The following CASP8 variants were observed in gnomAD, a reference collection of about 807,000 sequenced individuals.
CASP8 encodes caspase-8.
A neutral mutation model predicts 46.3 loss-of-function variants in CASP8; 24 were observed. The ratio of observed to expected loss-of-function variants is 0.52; its 90% CI spans 0.38 to 0.73. The LOEUF (loss-of-function observed/expected upper bound fraction) is 0.73. Among genes scored for constraint, CASP8 ranks in the 30% least tolerant of loss-of-function variants. The pLI, the probability that CASP8 is intolerant of heterozygous loss-of-function variation, is 0.00. For missense variants in CASP8, 460 were observed against 559.0 expected (o/e 0.82, Z 1.79); for synonymous variants, 188 against 200.4 (o/e 0.94, Z 0.52).
Position 201,266,269 on chromosome 2 carries a change from C to T in CASP8, c.-26-192C>T, listed in dbSNP as rs145125331. 1.9e-3 allele frequency among the ~76,000 whole-genome samples: 282 copies of T among 152,334 alleles called. 2 individuals are homozygous for T. The highest frequency in any genetic ancestry group is 6.3e-3 in the African/African-American group (262 of 41,584). ...TTGGGATTAGAGGCGTGAGCCACCG[C>T]GCCCAGCCCATTGGCTTGTTTGTAT... is the stretch of plus-strand genomic sequence containing the variant. On this transcript the variant is annotated intron_variant, in intron 1 of 8. Transcript: ENST00000673742. The surrounding 1 kb of genome is among the most constrained non-coding windows in gnomAD (Gnocchi z 5.7).
chr2:201,283,745 A>G (rs1576381614), intron 7 of CASP8, among the ~76,000 whole-genome samples: 1 of 52,548 alleles, frequency 1.9e-5, no homozygotes. Flanking sequence ...GGGGCTCCTC[A>G]CTTCCCAGTA....
intron 5 of CASP8, 116 bp downstream of exon 5, chr2:201,273,058 C>CTTTTT (rs397826156): frequency 1.2e-5 from 7 of 596,434 alleles, no homozygotes; most frequent in Admixed American, 3.0e-5. Flanking sequence ...TCTACTTTTT[C>CTTTTT]TTTTTTTTTT....
rs191769944 is a variant in CASP8 at position 201,280,085 on chromosome 2, A to C, written c.802+3117A>C. ...TTTTTAATGCTTAATATTGGTATTT[A>C]GTATTCTTAGAGAGTTAGTTAAAGG... On this transcript the variant is annotated intron_variant, in intron 7 of 8. Transcript: ENST00000673742. Among the ~76,000 whole-genome samples the C allele has an allele frequency of 2.3e-3, 343 of 152,364 alleles. 4 individuals are homozygous for C. The highest frequency in any genetic ancestry group is 7.7e-3 in the African/African-American group (320 of 41,596).
rs375377054 is a variant in CASP8 at position 201,276,789 on chromosome 2, C to T, written c.661-38C>T. 18 of 1,613,356 alleles carry T rather than the reference C, an allele frequency of 1.1e-5. No homozygotes were observed. The East Asian group carries it at 3.6e-4, about 32-fold the overall frequency. The stretch of plus-strand genomic sequence containing the variant: ...TTGTTTACATCTCTAGTGTTTGACC[C>T]ACAGAGTCAGCTCCTGGGTTGGGTT... On this transcript the variant is annotated intron_variant, in intron 6 of 8. Coordinates refer to ENST00000673742, the MANE Select transcript of CASP8 (RefSeq NM_001372051.1).
intron 2 of CASP8, among the ~76,000 whole-genome samples, chr2:201,234,754 C>T (rs902204498): frequency 6.6e-6 from 1 of 152,020 alleles, no homozygotes; most frequent in East Asian, 1.9e-4. Flanking sequence ...CCACTGCACC[C>T]GGCTGATTTC....
intron 2 of CASP8, among the ~76,000 whole-genome samples, chr2:201,251,770 G>A (rs903684099): frequency 3.3e-5 from 5 of 151,734 alleles, no homozygotes; most frequent in Admixed American, 2.0e-4. Context: ...GGGCGTGGTG[G>A]TCATGCCGGT....
At chr2:201,244,979 C>T (rs1479285932) in intron 2 of CASP8, among the ~76,000 whole-genome samples, 3 of 152,150 alleles carry the variant, frequency 2.0e-5, no homozygotes, top group East Asian at 1.9e-4. Flanking sequence ...TAGTCCAGGC[C>T]GAGGTTCTTT....
intron 2 of CASP8, among the ~76,000 whole-genome samples, chr2:201,239,742 C>T (rs1228344867): frequency 6.6e-6 from 1 of 152,242 alleles, no homozygotes; most frequent in South Asian, 2.1e-4. Context: ...TGAGGCGTCA[C>T]GGGTGGCGGG....
intron 1 of CASP8, among the ~76,000 whole-genome samples, chr2:201,265,128 C>T (rs1445980876): frequency 6.6e-6 from 1 of 152,140 alleles, no homozygotes; most frequent in Non-Finnish European, 1.5e-5. Context: ...GAAAGTAAGA[C>T]TTTGAAAACT....
intron 2 of CASP8, among the ~76,000 whole-genome samples, chr2:201,251,420 C>G (rs2124997234): frequency 6.6e-6 from 1 of 151,802 alleles, no homozygotes; most frequent in Non-Finnish European, 1.5e-5. Flanking sequence ...AGTGAAACCT[C>G]ATCTCTACTA....
intron 2 of CASP8, among the ~76,000 whole-genome samples, chr2:201,251,588 C>T (rs1250053182): frequency 8.6e-6 from 1 of 115,726 alleles, no homozygotes; most frequent in Non-Finnish European, 1.7e-5. Context: ...GAGTGAGACT[C>T]TGTGTCAAAA....
intron 2 of CASP8, among the ~76,000 whole-genome samples, chr2:201,243,695 G>A (rs142691594): frequency 1.7e-3 from 261 of 152,274 alleles, no homozygotes; most frequent in African/African-American, 6.0e-3. Flanking sequence ...GTGTAATATC[G>A]TTATTAATGT....
intron 2 of CASP8, chr2:201,240,990 G>A (rs1285887211): frequency 6.6e-6 from 1 of 152,014 alleles, no homozygotes; most frequent in Non-Finnish European, 1.5e-5. Flanking sequence ...GAAAAGAAAA[G>A]CACAACATAC....
intron 2 of CASP8, among the ~76,000 whole-genome samples, chr2:201,251,542 C>A (rs1214082713): frequency 3.4e-5 from 5 of 147,214 alleles, no homozygotes; most frequent in African/African-American, 1.3e-4. Context: ...TTGCATTGAG[C>A]CAAGATGGCG....
intron 2 of CASP8, among the ~76,000 whole-genome samples, chr2:201,246,996 A>T (rs922594977): frequency 2.6e-5 from 4 of 151,910 alleles, no homozygotes; most frequent in Admixed American, 2.0e-4. Context: ...GGAGTTCAAG[A>T]CCAGCCTGGC....
upstream of CASP8, among the ~76,000 whole-genome samples, chr2:201,260,303 A>G (rs973285230): frequency 2.0e-5 from 3 of 152,208 alleles, no homozygotes; most frequent in African/African-American, 7.2e-5. Flanking sequence ...GAGGCCCCAA[A>G]GGTAAAATGG....
At chr2:201,237,786 G>A (rs1400727795) in intron 2 of CASP8, among the ~76,000 whole-genome samples, 1 of 152,196 alleles carries the variant, frequency 6.6e-6, no homozygotes, top group Non-Finnish European at 1.5e-5. Context: ...AATTAACGTT[G>A]AGCCTAGTAG....
At position 201,264,987 on chromosome 2, in the gene CASP8, G is replaced by A. The variant is rs1235042596; in HGVS notation, c.-26-1474G>A. ...AACAAACATGATCGCAGTGGGGTGG[G>A]AGTAGGGGATGAGTCCCCAGAGCCT... is the stretch of plus-strand genomic sequence containing the variant. On this transcript the variant is annotated intron_variant, in intron 1 of 8. Transcript: ENST00000673742. Among the ~76,000 whole-genome samples, 4 of 152,170 alleles carry A rather than the reference G, an allele frequency of 2.6e-5. No individual in the cohort carries two copies. The East Asian group carries it at 7.7e-4, about 29-fold the overall frequency.
chr2:201,245,864 C>CTTTTTTTTTTTTTT lies in CASP8; in HGVS notation c.-27+11759_-27+11772dup, dbSNP rs60096366. The stretch of plus-strand genomic sequence containing the variant: ...TTTCTGTTGCTTTTCCTTGTTTGTT[C>CTTTTTTTTTTTTTT]TTTTTTTTTTTTTTTTTTTTGAGAC... On this transcript the variant is annotated intron_variant, in intron 2 of 6. Coordinates refer to the CASP8 transcript ENST00000264274. Among the ~76,000 whole-genome samples the CTTTTTTTTTTTTTT allele has an allele frequency of 7.2e-5, 9 of 124,412 alleles. 1 individual carries two copies. The highest frequency in any genetic ancestry group is 2.0e-4 in the African/African-American group (6 of 30,476). The allele number at this position is 124,412 out of a possible 152,430, so 81.6% of individuals were successfully genotyped here.
Sources: allele counts gnomAD v4.1 joint callset (sites outside exome capture counted in the v4.1 genomes callset), GRCh38; gene constraint gnomAD v4.1.1; non-coding constraint Gnocchi (gnomAD v3.1); transcripts MANE v1.5; gene names NCBI Gene and HGNC (gene_info 2026-07-23, HGNC 2026-07-21).